The following SMIM10L3 variants were observed in gnomAD, a reference collection of about 807,000 sequenced individuals.
SMIM10L3 encodes the protein small integral membrane protein 10 like 3.
chr7:6,334,088 C>T, the SMIM10L3 span, among the ~76,000 whole-genome samples: 12 of 151,106 alleles, frequency 7.9e-5, no homozygotes, highest in Non-Finnish European at 1.0e-4. Context: ...CCTCGTGATC[C>T]GCCCACCTTG....
the SMIM10L3 span, among the ~76,000 whole-genome samples, chr7:6,340,181 G>GGCCCCTCCCA: frequency 1.3e-5 from 2 of 152,066 alleles, no homozygotes. Flanking sequence ...TACCGCGCCC[G>GGCCCCTCCCA]GCCCCTCCCA....
the SMIM10L3 span, among the ~76,000 whole-genome samples, chr7:6,332,469 TATTA>T: frequency 5.3e-5 from 8 of 152,200 alleles, no homozygotes; most frequent in Admixed American, 1.3e-4. Flanking sequence ...TTAGTTCCCT[TATTA>T]ATTGACACGT....
At chr7:6,331,075 G>C in the SMIM10L3 span, 1 of 1,613,628 alleles carries the variant, frequency 6.2e-7, no homozygotes, top group East Asian at 2.2e-5. Flanking sequence ...AAGGCTGCAT[G>C]ATAGTTTGTC....
At chr7:6,331,127 T>A in the SMIM10L3 span, 3 of 1,613,102 alleles carry the variant, frequency 1.9e-6, no homozygotes, top group Admixed American at 3.3e-5. Flanking sequence ...GCCAGGCAGG[T>A]GCCGAGGGGC....
the SMIM10L3 span, among the ~76,000 whole-genome samples, chr7:6,333,841 T>C: frequency 1.7e-5 from 2 of 120,732 alleles, no homozygotes; most frequent in South Asian, 2.7e-4. Context: ...TCCTGGCCTC[T>C]TTTTTTTTTT....
At chr7:6,337,901 T>C in the SMIM10L3 span, among the ~76,000 whole-genome samples, 1 of 151,544 alleles carries the variant, frequency 6.6e-6, no homozygotes, top group Non-Finnish European at 1.5e-5. Context: ...CCTCCCAGGT[T>C]CAAGCAATTC....
At chr7:6,348,239 G>GC in the SMIM10L3 span, among the ~76,000 whole-genome samples, 1 of 150,808 alleles carries the variant, frequency 6.6e-6, no homozygotes, top group South Asian at 2.1e-4. Flanking sequence ...ATAAGGGGGG[G>GC]GGTTGCAAAG....
At chr7:6,329,676 G>T in the SMIM10L3 span, 1 of 164,974 alleles carries the variant, frequency 6.1e-6, no homozygotes, top group African/African-American at 2.4e-5. Flanking sequence ...TAGAATCTGG[G>T]AAACTTTTTA....
the SMIM10L3 span, among the ~76,000 whole-genome samples, chr7:6,333,735 C>G: frequency 2.7e-5 from 4 of 148,232 alleles, no homozygotes; most frequent in African/African-American, 1.0e-4. Flanking sequence ...AAGTGCACTT[C>G]GAAGAGATCC....
chr7:6,331,465 A>T, the SMIM10L3 span, among the ~76,000 whole-genome samples: 82 of 149,778 alleles, frequency 5.5e-4, 1 homozygote, highest in Admixed American at 3.0e-3. Flanking sequence ...GCCCAGCCGT[A>T]TTAAGGTTTT....
At chr7:6,331,967 C>T in the SMIM10L3 span, among the ~76,000 whole-genome samples, 1 of 151,588 alleles carries the variant, frequency 6.6e-6, no homozygotes, top group African/African-American at 2.4e-5. Context: ...GTGAAATTAG[C>T]CAGGTGTGAT....
At chr7:6,342,183 CT>C in the SMIM10L3 span, among the ~76,000 whole-genome samples, 2 of 151,994 alleles carry the variant, frequency 1.3e-5, no homozygotes, top group Non-Finnish European at 2.9e-5. Flanking sequence ...ATTTTCTTTC[CT>C]TTCTTTTTTC....
chr7:6,337,139 T>C, the SMIM10L3 span, among the ~76,000 whole-genome samples: 80,511 of 151,140 alleles, frequency 0.53, 22,462 homozygotes, highest in East Asian at 0.82. Context: ...TGGCGCAATC[T>C]CAGCTCACTG....
the SMIM10L3 span, among the ~76,000 whole-genome samples, chr7:6,334,879 C>T: frequency 7.2e-5 from 11 of 152,064 alleles, 1 homozygote; most frequent in African/African-American, 2.7e-4. Flanking sequence ...AGTGATTCTC[C>T]TGCCTCAGCC....
chr7:6,347,041 C>G, the SMIM10L3 span, among the ~76,000 whole-genome samples: 10 of 152,166 alleles, frequency 6.6e-5, no homozygotes, highest in African/African-American at 1.7e-4. Flanking sequence ...AAAAAGTCAT[C>G]TGAGGCTGGG....
the SMIM10L3 span, among the ~76,000 whole-genome samples, chr7:6,337,073 C>CTT: frequency 2.1e-5 from 3 of 144,886 alleles, no homozygotes; most frequent in African/African-American, 5.0e-5. Flanking sequence ...TATTTTAATT[C>CTT]TTTTTTTTTT....
the SMIM10L3 span, chr7:6,348,785 C>T: frequency 2.3e-5 from 9 of 397,362 alleles, no homozygotes; most frequent in Admixed American, 4.4e-5. Flanking sequence ...CCACAGCCCC[C>T]CCGCCCGCCC....
At chr7:6,341,376 A>T in the SMIM10L3 span, among the ~76,000 whole-genome samples, 1 of 149,816 alleles carries the variant, frequency 6.7e-6, no homozygotes, top group Admixed American at 6.7e-5. Context: ...CGGGAGGCGG[A>T]GCTTGCAGTG....
At chr7:6,348,780 GC>G in the SMIM10L3 span, 1,756 of 397,502 alleles carry the variant, frequency 4.4e-3, 8 homozygotes, top group Non-Finnish European at 5.2e-3. Flanking sequence ...CGCTCCCACA[GC>G]CCCCCCGCCC....
Sources: allele counts gnomAD v4.1 joint callset (sites outside exome capture counted in the v4.1 genomes callset), GRCh38; gene constraint gnomAD v4.1.1; transcripts MANE v1.5; gene names NCBI Gene and HGNC (gene_info 2026-07-23, HGNC 2026-07-21).